The following MTDH variants were observed in gnomAD, a reference collection of about 807,000 sequenced individuals.
MTDH encodes the protein metadherin, also known as protein LYRIC.
In MTDH, 34 loss-of-function variants were observed where a neutral mutation model predicts 72.7. That is an observed-to-expected ratio of 0.47 (90% CI 0.36 to 0.62). The LOEUF (loss-of-function observed/expected upper bound fraction) is 0.62. MTDH is among the 20% of genes least tolerant of loss of function. MTDH has a pLI of 0.00. For missense variants in MTDH, 677 were observed against 699.4 expected (o/e 0.97, Z 0.36); for synonymous variants, 266 against 268.9 (o/e 0.99, Z 0.10).
At chr8:97,653,318 C>G (rs1448488984) in intron 1 of MTDH, among the ~76,000 whole-genome samples, 2 of 152,216 alleles carry the variant, frequency 1.3e-5, no homozygotes, top group African/African-American at 4.8e-5. Context: ...TATTTCCACT[C>G]TACCTCTCTG....
chr8:97,728,016 A>G lies in MTDH; in HGVS notation c.*3346A>G, dbSNP rs1454641495. ...ATAGGCTAATCTGGTTTATATTTGCATTAAAGATACTGGAGGGCAATATTT... is the reference window on the plus strand; with the variant it reads ...ATAGGCTAATCTGGTTTATATTTGCGTTAAAGATACTGGAGGGCAATATTT... On this transcript the variant is annotated 3_prime_UTR_variant, in exon 12 of 12. Transcript: ENST00000336273. 1 of 152,202 alleles carries G rather than the reference A, an allele frequency of 6.6e-6. No homozygotes were observed. Among genetic ancestry groups the G allele is most frequent in the Non-Finnish European group, 1.5e-5 (1 of 68,040 alleles). The allele number at this position is 152,202 out of a possible 1,614,324, so 9.4% of individuals were successfully genotyped here.
At chr8:97,657,997 A>G (rs1812043778) in intron 1 of MTDH, among the ~76,000 whole-genome samples, 1 of 152,204 alleles carries the variant, frequency 6.6e-6, no homozygotes, top group South Asian at 2.1e-4. Flanking sequence ...AGCTGTTGGC[A>G]AAATGAAAGG....
rs910649630 is a variant in MTDH, at chr8:97,723,539, C to T, written c.1678+504C>T. On this transcript the variant is annotated intron_variant, in intron 11 of 11. Coordinates refer to ENST00000336273, the MANE Select transcript of MTDH (RefSeq NM_178812.4). ...CGGGCGGATCACTAGGTCAGGAGAT[C>T]GAGACCATCCTGGCTAACATGGTGA... 8.0e-5 allele frequency among the ~76,000 whole-genome samples: 12 copies of T among 149,358 alleles called. 1 individual carries two copies. The highest frequency in any genetic ancestry group is 2.1e-4 in the South Asian group (1 of 4,678).
intron 7 of MTDH, 54 bp from the exon 8 acceptor site, chr8:97,706,572 C>T: frequency 1.4e-6 from 2 of 1,456,528 alleles, no homozygotes; most frequent in Admixed American, 2.5e-5. Context: ...TAGTTTTTGC[C>T]TTTTAATTTA....
At chr8:97,684,790 AGGCTGGGAGCAGCTC>A (rs1813290897) in intron 2 of MTDH, among the ~76,000 whole-genome samples, 1 of 152,170 alleles carries the variant, frequency 6.6e-6, no homozygotes, top group African/African-American at 2.4e-5. Flanking sequence ...AATAATTTTG[AGGCTGGGAGCAGCTC>A]ACGCCTATAA....
intron 8 of MTDH, among the ~76,000 whole-genome samples, chr8:97,711,072 CAT>C (rs1015726015): frequency 1.2e-4 from 19 of 152,120 alleles, no homozygotes; most frequent in African/African-American, 4.3e-4. Context: ...TGAATACTAA[CAT>C]AACAGTGCTA....
intron 10 of MTDH, among the ~76,000 whole-genome samples, chr8:97,722,463 G>T (rs568758122): frequency 6.6e-6 from 1 of 152,070 alleles, no homozygotes; most frequent in South Asian, 2.1e-4. Flanking sequence ...ATAGCTGGGC[G>T]TGGTGGCACA....
chr8:97,671,248 T>C (rs934141077), intron 2 of MTDH, among the ~76,000 whole-genome samples: 1 of 152,266 alleles, frequency 6.6e-6, no homozygotes. Flanking sequence ...ATTACAGGCA[T>C]GAGCCATAGC....
At chr8:97,692,355 ATAT>A (rs1226493418) in intron 6 of MTDH, among the ~76,000 whole-genome samples, 1 of 151,820 alleles carries the variant, frequency 6.6e-6, no homozygotes, top group Non-Finnish European at 1.5e-5. Flanking sequence ...AACTATTCCC[ATAT>A]TATTCAAGAA....
intron 2 of MTDH, among the ~76,000 whole-genome samples, chr8:97,661,396 A>G (rs980761914): frequency 6.6e-6 from 1 of 152,216 alleles, no homozygotes; most frequent in Non-Finnish European, 1.5e-5. Flanking sequence ...TTGCTGTGGC[A>G]ATACTAAATA....
chr8:97,652,330 CTAT>C (rs1811806040), intron 1 of MTDH, among the ~76,000 whole-genome samples: 1 of 152,174 alleles, frequency 6.6e-6, no homozygotes, highest in African/African-American at 2.4e-5. Flanking sequence ...TTTACATGAG[CTAT>C]TATTAACACT....
At chr8:97,715,201 C>G (rs1004789222) in intron 9 of MTDH, among the ~76,000 whole-genome samples, 7 of 152,008 alleles carry the variant, frequency 4.6e-5, no homozygotes, top group African/African-American at 1.4e-4. Context: ...AGTCTCACCT[C>G]ACTGTAACCT....
rs143047201 is a variant in MTDH at position 97,683,354 on chromosome 8, C to T, written c.484-3314C>T. Among the ~76,000 whole-genome samples the T allele has an allele frequency of 6.1e-3, 931 of 152,002 alleles. 2 individuals carry two copies. Among genetic ancestry groups the T allele is most frequent in the Non-Finnish European group, 0.011 (729 of 67,954 alleles). On this transcript the variant is annotated intron_variant, in intron 2 of 11. Coordinates refer to ENST00000336273, the MANE Select transcript of MTDH (RefSeq NM_178812.4). ...CTGGGGTTACAGGCGTGAGCCACCA[C>T]GCCCAGCCTCTTAGACACTTTTCTT...
chr8:97,705,985 A>G lies in MTDH; in HGVS notation c.1148-641A>G, dbSNP rs552184793. ...TGTAGAATAAAATTTATTTTTGATA[A>G]TAAATGATGATTGAAGCCCTGAAAG... On this transcript the variant is annotated intron_variant, in intron 7 of 11. Coordinates refer to ENST00000336273, the MANE Select transcript of MTDH (RefSeq NM_178812.4). 3.5e-4 allele frequency among the ~76,000 whole-genome samples: 54 copies of G among 152,374 alleles called. No individual in the cohort carries two copies. In the South Asian group the frequency reaches 0.011, roughly 32 times the overall value.
chr8:97,649,791 T>C (rs1563518273), intron 1 of MTDH, among the ~76,000 whole-genome samples: 1 of 152,070 alleles, frequency 6.6e-6, no homozygotes, highest in African/African-American at 2.4e-5. Flanking sequence ...TTTGTAGAGA[T>C]GGAGTTTCAC....
intron 9 of MTDH, among the ~76,000 whole-genome samples, chr8:97,718,392 CTGTCT>C (rs1299585587): frequency 2.6e-5 from 4 of 152,186 alleles, no homozygotes; most frequent in African/African-American, 9.6e-5. Flanking sequence ...TTGGAATTTT[CTGTCT>C]ATACCCTTTC....
intron 6 of MTDH, among the ~76,000 whole-genome samples, chr8:97,695,260 C>T (rs1015197115): frequency 1.3e-4 from 20 of 151,872 alleles, no homozygotes; most frequent in African/African-American, 3.1e-4. Flanking sequence ...ATTACAGGCA[C>T]GTGTCACCAT....
chr8:97,660,446 T>C (rs1430755724), intron 1 of MTDH, among the ~76,000 whole-genome samples: 2 of 152,170 alleles, frequency 1.3e-5, no homozygotes, highest in African/African-American at 2.4e-5. Context: ...GGAGGAATTA[T>C]GTAGTTGCAA....
chr8:97,692,062 G>T (rs1813630570), intron 6 of MTDH, among the ~76,000 whole-genome samples: 1 of 152,136 alleles, frequency 6.6e-6, no homozygotes, highest in South Asian at 2.1e-4. Flanking sequence ...TCTATTTTTA[G>T]TAGGGACGGG....
Sources: allele counts gnomAD v4.1 joint callset (sites outside exome capture counted in the v4.1 genomes callset), GRCh38; gene constraint gnomAD v4.1.1; transcripts MANE v1.5; gene names NCBI Gene and HGNC (gene_info 2026-07-23, HGNC 2026-07-21).